CSMD2: variants seen among roughly 807,000 people sequenced by gnomAD.
CSMD2 encodes the protein CUB and Sushi multiple domains 2.
CSMD2 carries 130 observed loss-of-function variants against 398.5 expected under a neutral mutation model. The ratio of observed to expected loss-of-function variants is 0.33; its 90% confidence interval spans 0.28 to 0.38. The LOEUF is 0.38. Ranked by LOEUF, CSMD2 falls within the 10% of genes least tolerant of loss-of-function variation. The pLI, the probability that CSMD2 is intolerant of heterozygous loss-of-function variation, is 1.00. For missense variants in CSMD2, 3,829 were observed against 4,764.9 expected, an observed-to-expected ratio of 0.80 and a Z score of 5.78; for synonymous variants, 1,828 against 1,908.5, an observed-to-expected ratio of 0.96 and a Z score of 1.10.
At chr1:34,045,353 G>A (rs538719219) in intron 2 of CSMD2, among the ~76,000 whole-genome samples, 1 of 152,292 alleles carries the variant, frequency 6.6e-6, no homozygotes, top group South Asian at 2.1e-4. Context: ...AACCCAGAAT[G>A]AGAGGAAGTC....
rs111677570 is a variant in CSMD2, at chr1:33,896,916, G to A, written c.920+21178C>T. Reference sequence around the variant, plus strand: ...AGGCCCTGAGGTGGGAAGAGCACGCGTGGCATCTAAGGACCAGCAAGGAAG... The same window carrying A: ...AGGCCCTGAGGTGGGAAGAGCACGCATGGCATCTAAGGACCAGCAAGGAAG... On this transcript the variant is annotated intron_variant, in intron 5 of 70. Transcript: ENST00000373381. Among the ~76,000 whole-genome samples the A allele has an allele frequency of 3.0e-4, 45 of 152,032 alleles. 1 individual carries two copies. Among genetic ancestry groups the A allele is most frequent in the African/African-American group, 1.0e-3 (43 of 41,462 alleles).
At position 33,527,223 on chromosome 1, in the gene CSMD2, G is replaced by A. The variant is rs149656829; in HGVS notation, c.10207C>T (p.Arg3403Trp). The change falls in exon 65 of 71, where the codon CGG becomes TGG. Residue 3403 changes from arginine (R) to tryptophan (W), a missense_variant. Transcript: ENST00000373381. Reference protein sequence around the residue: ...RPSGRPINTAREPPLTQALIP... With the variant: ...RPSGRPINTAWEPPLTQALIP... ...AAGGCTTGGGTGAGCGGTGGCTCCC[G>A]GGCAGTGTTGATGGGTCTCCCACTG... 1,548 of 1,613,962 alleles carry A rather than the reference G, an allele frequency of 9.6e-4. 2 individuals carry two copies. The highest frequency in any genetic ancestry group is 1.2e-3 in the Non-Finnish European group (1,426 of 1,179,976).
chr1:33,696,454 G>A (rs771000043), intron 24 of CSMD2, among the ~76,000 whole-genome samples: 3 of 152,184 alleles, frequency 2.0e-5, no homozygotes, highest in Non-Finnish European at 4.4e-5. Context: ...TGGGGTGGGA[G>A]GTGCCAACCT....
intron 10 of CSMD2, among the ~76,000 whole-genome samples, chr1:33,799,837 T>C (rs909971972): frequency 1.3e-5 from 2 of 152,206 alleles, no homozygotes; most frequent in Non-Finnish European, 2.9e-5. Context: ...TTTTGGTATG[T>C]GGAGAAAATA....
At chr1:33,637,410 C>A (rs1642870291) in intron 29 of CSMD2, among the ~76,000 whole-genome samples, 1 of 152,216 alleles carries the variant, frequency 6.6e-6, no homozygotes, top group Non-Finnish European at 1.5e-5. Flanking sequence ...GTCCTCTACT[C>A]TGTCGCTCTG....
At chr1:33,809,118 T>C (rs1656565556) in intron 10 of CSMD2, among the ~76,000 whole-genome samples, 1 of 152,002 alleles carries the variant, frequency 6.6e-6, no homozygotes, top group African/African-American at 2.4e-5. Context: ...GCAAAAGTTA[T>C]GCCAATCTTC....
At position 33,568,189 on chromosome 1, in the gene CSMD2, CTTTTT is replaced by C. The variant is rs370507143; in HGVS notation, c.8132-353_8132-349del. On this transcript the variant is annotated intron_variant, in intron 52 of 70. Transcript: ENST00000373381. ...CCCAAAAACTCAAACTCAGGAGCAT[CTTTTT>C]TTTTTTTTTTTGAGACAAGATCTTG... is the stretch of plus-strand genomic sequence containing the variant. 6.4e-5 allele frequency among the ~76,000 whole-genome samples: 9 copies of C among 141,348 alleles called. No homozygotes were observed. In the South Asian group the frequency reaches 2.0e-3, roughly 32 times the overall value. 92.7% of individuals were successfully genotyped at this position (141,348 alleles called of 152,430 possible).
At chr1:34,155,858 T>A (rs528754514) in intron 1 of CSMD2, among the ~76,000 whole-genome samples, 1 of 152,218 alleles carries the variant, frequency 6.6e-6, no homozygotes, top group African/African-American at 2.4e-5. Flanking sequence ...CATCATTGCA[T>A]AGACACACTG....
intron 6 of CSMD2, among the ~76,000 whole-genome samples, chr1:33,830,966 G>C (rs951221198): frequency 6.6e-6 from 1 of 152,120 alleles, no homozygotes; most frequent in Non-Finnish European, 1.5e-5. Flanking sequence ...AGAGAAAAAA[G>C]AATAAAAAGA....
At chr1:33,568,661 G>C (rs574473464) in intron 52 of CSMD2, among the ~76,000 whole-genome samples, 1 of 152,126 alleles carries the variant, frequency 6.6e-6, no homozygotes, top group East Asian at 1.9e-4. Context: ...TTATTATATG[G>C]GATTTGGGTA....
intron 38 of CSMD2, 70 bp downstream of exon 38, chr1:33,617,429 C>T (rs1641465428): frequency 8.6e-7 from 1 of 1,159,396 alleles, no homozygotes; most frequent in Non-Finnish European, 1.3e-6. Flanking sequence ...TGTAGCTCTG[C>T]TGGTGTAAGG....
intron 48 of CSMD2, among the ~76,000 whole-genome samples, chr1:33,579,331 A>C (rs937405401): frequency 1.8e-4 from 27 of 152,144 alleles, no homozygotes; most frequent in African/African-American, 6.3e-4. Flanking sequence ...TACCTTGCCT[A>C]ATAATCCCAC....
At chr1:33,657,112 G>C (rs1357523096) in intron 27 of CSMD2, among the ~76,000 whole-genome samples, 1 of 152,146 alleles carries the variant, frequency 6.6e-6, no homozygotes, top group East Asian at 1.9e-4. Flanking sequence ...CCCTTTTTAA[G>C]TGATGGGACC....
At chr1:33,626,437 T>A in intron 33 of CSMD2, 49 bp downstream of exon 33, 1 of 1,376,418 alleles carries the variant, frequency 7.3e-7, no homozygotes, top group Non-Finnish European at 1.0e-6. Flanking sequence ...CACGAGTCCC[T>A]TAAGAACCGA....
intron 27 of CSMD2, among the ~76,000 whole-genome samples, chr1:33,656,676 G>A (rs765254684): frequency 3.3e-5 from 5 of 152,224 alleles, no homozygotes; most frequent in Admixed American, 6.5e-5. Context: ...TGGGAGGTAG[G>A]AAAATGAGAG....
At chr1:33,856,370 T>C (rs1015543842) in intron 5 of CSMD2, among the ~76,000 whole-genome samples, 1 of 152,184 alleles carries the variant, frequency 6.6e-6, no homozygotes, top group Non-Finnish European at 1.5e-5. Flanking sequence ...AACTTCCCTC[T>C]TTCTCTGGGG....
At chr1:33,562,926 A>G (rs1658707959) in intron 53 of CSMD2, among the ~76,000 whole-genome samples, 1 of 152,196 alleles carries the variant, frequency 6.6e-6, no homozygotes, top group African/African-American at 2.4e-5. Context: ...AGCCTCCACA[A>G]TTGTGTGAGC....
rs146148206 is a variant in CSMD2 at position 33,974,598 on chromosome 1, G to T, written c.518-38644C>A. Among the ~76,000 whole-genome samples, 58 of 152,316 alleles carry T rather than the reference G, an allele frequency of 3.8e-4. 1 individual carries two copies. In the East Asian group the frequency reaches 5.8e-3, roughly 15 times the overall value. ...TAAGTAACCTGCTTGATGTCCCAGG[G>T]CTAGTCAGTGGCAGAGGTGCTTTGC... On this transcript the variant is annotated intron_variant, in intron 3 of 70. Coordinates refer to ENST00000373381, the MANE Select transcript of CSMD2 (RefSeq NM_001281956.2).
rs899517097 is a variant in CSMD2, at chr1:33,557,813, G to A, written c.8664C>T (p.His2888=). 2.9e-5 allele frequency: 45 copies of A among 1,535,996 alleles called. No homozygotes were observed. The highest frequency in any genetic ancestry group is 3.3e-4 in the Middle Eastern group (2 of 6,010). The change falls in exon 55 of 71, where the codon CAC becomes CAT. Residue 2888 remains histidine (H), a synonymous_variant. Coordinates refer to ENST00000373381, the MANE Select transcript of CSMD2 (RefSeq NM_001281956.2). ...FGTTVSYRCN[H]GFYLLGTPVL... is the part of the protein sequence containing the mutation. Reference sequence around the variant, plus strand: ...CTGGGGTGCCCAGGAGGTAGAAGCCGTGGTTGCACCGGTAAGACACAGTGG... The same window carrying A: ...CTGGGGTGCCCAGGAGGTAGAAGCCATGGTTGCACCGGTAAGACACAGTGG...
Sources: allele counts gnomAD v4.1 joint callset (sites outside exome capture counted in the v4.1 genomes callset), GRCh38; gene constraint gnomAD v4.1.1; transcripts MANE v1.5; gene names NCBI Gene and HGNC (gene_info 2026-07-23, HGNC 2026-07-21).